The following RAB8B variants were observed in gnomAD, a reference collection of about 807,000 sequenced individuals.
RAB8B encodes the protein ras-related protein Rab-8B.
A neutral mutation model predicts 32.0 loss-of-function variants in RAB8B; 11 were observed. The ratio of observed to expected loss-of-function variants is 0.34; its 90% CI spans 0.22 to 0.57. The LOEUF (loss-of-function observed/expected upper bound fraction) is 0.57, where lower values mean the gene tolerates loss of function less well. Among genes scored for constraint, RAB8B ranks in the 20% least tolerant of loss-of-function variants. The probability of loss-of-function intolerance (pLI) is 0.86; values close to 1 mark genes in which losing one functional copy is unlikely to be tolerated. For missense variants in RAB8B, 190 were observed against 258.5 expected, an observed-to-expected ratio of 0.73 and a Z score of 1.82; for synonymous variants, 103 against 89.6, an observed-to-expected ratio of 1.15 and a Z score of -0.85.
Position 63,255,524 on chromosome 15 carries a change from T to C in RAB8B, c.264T>C (p.Tyr88=), listed in dbSNP as rs1176644565. 1 of 1,603,838 alleles carries C rather than the reference T, an allele frequency of 6.2e-7. No individual in the cohort carries two copies. Among genetic ancestry groups the C allele is most frequent in the Non-Finnish European group, 8.5e-7 (1 of 1,170,632 alleles). The change falls in exon 4 of 8, where the codon TAT becomes TAC. Residue 88 remains tyrosine, a synonymous_variant. Coordinates refer to ENST00000321437, the MANE Select transcript of RAB8B (RefSeq NM_016530.3). ...YRGAMGIMLV[Y]DITNEKSFDN... is the part of the protein sequence containing the mutation. ...CCTTATAGGGCATTATGCTGGTCTA[T>C]GACATCACAAATGAAAAATCCTTTG...
intron 1 of RAB8B, among the ~76,000 whole-genome samples, chr15:63,197,309 A>C (rs1281245705): frequency 6.9e-6 from 1 of 144,430 alleles, no homozygotes; most frequent in East Asian, 2.0e-4. Flanking sequence ...GGTTTTCTTT[A>C]GTCTTGAAAC....
At chr15:63,218,410 T>C (rs1190467340) in intron 1 of RAB8B, among the ~76,000 whole-genome samples, 1 of 152,230 alleles carries the variant, frequency 6.6e-6, no homozygotes, top group African/African-American at 2.4e-5. Context: ...GTCAGCATCA[T>C]TATCTGCTGA....
Position 63,259,774 on chromosome 15 carries a change from G to A in RAB8B, c.480+82G>A. On this transcript the variant is annotated intron_variant, in intron 6 of 7. Coordinates refer to ENST00000321437, the MANE Select transcript of RAB8B (RefSeq NM_016530.3). The surrounding 1 kb of genome is among the most constrained non-coding windows in gnomAD (Gnocchi z 4.4). ...TGTTCAAACAGCTCTCAGAGCTTTGGTATTTTCTGACCTAATGAATGCCTT... is the reference window on the plus strand; with the variant it reads ...TGTTCAAACAGCTCTCAGAGCTTTGATATTTTCTGACCTAATGAATGCCTT... The A allele has an allele frequency of 8.0e-7, 1 of 1,248,538 alleles. No individual in the cohort carries two copies. Among genetic ancestry groups the A allele is most frequent in the South Asian group, 1.3e-5 (1 of 79,194 alleles). 77.3% of individuals were successfully genotyped at this position (1,248,538 alleles called of 1,614,324 possible).
chr15:63,250,199 A>G (rs890263598), intron 3 of RAB8B, among the ~76,000 whole-genome samples: 4 of 152,240 alleles, frequency 2.6e-5, no homozygotes, highest in Non-Finnish European at 2.9e-5. Flanking sequence ...AGTGGTCTTC[A>G]TCGTAATAAT....
intron 1 of RAB8B, among the ~76,000 whole-genome samples, chr15:63,203,536 G>C (rs1389537078): frequency 6.6e-6 from 1 of 152,254 alleles, no homozygotes; most frequent in African/African-American, 2.4e-5. Context: ...AGTTCACTGA[G>C]GGTAGGTCCA....
At chr15:63,257,287 T>G (rs2038165663) in intron 5 of RAB8B, among the ~76,000 whole-genome samples, 1 of 151,426 alleles carries the variant, frequency 6.6e-6, no homozygotes, top group South Asian at 2.1e-4. Context: ...TGAGACAAAG[T>G]CTTGCTCTGT....
intron 2 of RAB8B, 65 bp from the exon 3 acceptor site, chr15:63,249,580 A>G: frequency 6.9e-7 from 1 of 1,450,042 alleles, no homozygotes; most frequent in Non-Finnish European, 9.6e-7. Context: ...CTCCTACAGC[A>G]GGGTTTCTCC....
Position 63,256,559 on chromosome 15 carries a change from G to T in RAB8B, c.379G>T (p.Asp127Tyr). ...CCTGGGTAACAAATGTGATATGAAT[G>T]ACAAAAGACAAGTGTCAAAAGAAAG... ...MILGNKCDMN[D>Y]KRQVSKERGE... Residue 127 changes from aspartate to tyrosine, a missense_variant, in exon 5 of 8, where the codon GAC (aspartate) becomes TAC (tyrosine). Physicochemically the swap from Asp to Tyr is radical, Grantham distance 160 (BLOSUM62 -3). Coordinates refer to ENST00000321437, the MANE Select transcript of RAB8B (RefSeq NM_016530.3). 6.2e-7 allele frequency: 1 copy of T among 1,603,624 alleles called. No homozygotes were observed. The highest frequency in any genetic ancestry group is 1.1e-5 in the South Asian group (1 of 88,872).
At chr15:63,262,788 G>A in intron 7 of RAB8B, 46 bp downstream of exon 7, 1 of 1,020,994 alleles carries the variant, frequency 9.8e-7, no homozygotes, top group Non-Finnish European at 1.3e-6. Flanking sequence ...TGTCTGTTTG[G>A]CATTTGATGA....
intron 4 of RAB8B, 72 bp downstream of exon 4, chr15:63,255,656 G>A: frequency 7.8e-7 from 1 of 1,283,016 alleles, no homozygotes; most frequent in Non-Finnish European, 1.1e-6. Flanking sequence ...TCCTCTGTCT[G>A]CAAGGCAGCT....
intron 1 of RAB8B, among the ~76,000 whole-genome samples, chr15:63,190,507 AAG>A (rs1368930488): frequency 2.6e-5 from 4 of 152,008 alleles, no homozygotes; most frequent in South Asian, 2.1e-4. Context: ...GGAGATGGAA[AAG>A]AGAGGAAATG....
chr15:63,256,136 A>G (rs2038157040), intron 4 of RAB8B, among the ~76,000 whole-genome samples: 1 of 152,250 alleles, frequency 6.6e-6, no homozygotes, highest in Non-Finnish European at 1.5e-5. Context: ...CTATAAACTT[A>G]GATGAATTTC....
chr15:63,231,821 C>A (rs2037939210), intron 1 of RAB8B, among the ~76,000 whole-genome samples: 2 of 152,126 alleles, frequency 1.3e-5, no homozygotes, highest in East Asian at 3.8e-4. Context: ...CACCAGTTAG[C>A]CCCTTTATGA....
At chr15:63,255,882 C>G (rs886256343) in intron 4 of RAB8B, among the ~76,000 whole-genome samples, 5 of 152,204 alleles carry the variant, frequency 3.3e-5, no homozygotes, top group Admixed American at 6.5e-5. Context: ...TTTGCCTGTG[C>G]TCATACAGCC....
At chr15:63,254,698 G>T (rs2152582687) in intron 3 of RAB8B, among the ~76,000 whole-genome samples, 1 of 152,224 alleles carries the variant, frequency 6.6e-6, no homozygotes, top group Non-Finnish European at 1.5e-5. Flanking sequence ...GGATCACGAG[G>T]TCAGGAGATC....
chr15:63,227,476 T>G (rs1567014769), intron 1 of RAB8B, among the ~76,000 whole-genome samples: 1 of 152,236 alleles, frequency 6.6e-6, no homozygotes, highest in Non-Finnish European at 1.5e-5. Flanking sequence ...AACGTACTTT[T>G]GGATCAGGCA....
Position 63,249,591 on chromosome 15 carries a change from T to G in RAB8B, c.186-54T>G, listed in dbSNP as rs1414758509. The G allele has an allele frequency of 6.5e-6, 10 of 1,533,778 alleles. No homozygotes were observed. The East Asian group carries it at 1.4e-4, about 21-fold the overall frequency. ...ACATCTCCTACAGCAGGGTTTCTCC[T>G]CAGTGATGCTGGTGATGACTTCAAA... On this transcript the variant is annotated intron_variant, in intron 2 of 7. Transcript: ENST00000321437.
intron 1 of RAB8B, among the ~76,000 whole-genome samples, chr15:63,222,305 C>A (rs2037851056): frequency 6.6e-6 from 1 of 152,040 alleles, no homozygotes; most frequent in Admixed American, 6.6e-5. Flanking sequence ...CTGCTGTTGT[C>A]ATCTCTTCCT....
chr15:63,211,325 T>A (rs190966285), intron 1 of RAB8B, among the ~76,000 whole-genome samples: 11 of 152,296 alleles, frequency 7.2e-5, no homozygotes, highest in Admixed American at 3.9e-4. Flanking sequence ...CCAGATTGAG[T>A]GAATTCTTGT....
Sources: allele counts gnomAD v4.1 joint callset (sites outside exome capture counted in the v4.1 genomes callset), GRCh38; gene constraint gnomAD v4.1.1; non-coding constraint Gnocchi (gnomAD v3.1); transcripts MANE v1.5; gene names NCBI Gene and HGNC (gene_info 2026-07-23, HGNC 2026-07-21).